Variants in MBNL2 observed in about 807,000 individuals in gnomAD.
The protein encoded by MBNL2 is muscleblind like splicing regulator 2, also known as muscleblind-like protein 2.
A neutral mutation model predicts 41.9 loss-of-function variants in MBNL2; 17 were observed. That is an observed-to-expected ratio of 0.41 (90% CI 0.28 to 0.61). The LOEUF is 0.61. Ranked by LOEUF, MBNL2 falls within the 20% of genes least tolerant of loss-of-function variation. The pLI, the probability that MBNL2 is intolerant of heterozygous loss-of-function variation, is 0.35. For missense variants in MBNL2, 336 were observed against 505.6 expected, an observed-to-expected ratio of 0.66 and a Z score of 3.22; for synonymous variants, 195 against 182.9, an observed-to-expected ratio of 1.07 and a Z score of -0.53.
intron 1 of MBNL2, among the ~76,000 whole-genome samples, chr13:97,240,990 ATGAC>A (rs1220003197): frequency 6.6e-6 from 1 of 152,186 alleles, no homozygotes; most frequent in African/African-American, 2.4e-5. Context: ...TTGGAAATGA[ATGAC>A]TGACTGACTG....
intron 1 of MBNL2, among the ~76,000 whole-genome samples, chr13:97,262,169 G>A (rs2048763775): frequency 6.6e-6 from 1 of 152,236 alleles, no homozygotes; most frequent in Admixed American, 6.5e-5. Context: ...AGAGCAGAGA[G>A]TGCAATCCCT....
At chr13:97,159,225 G>GT in the MBNL2 span, among the ~76,000 whole-genome samples, 4,794 of 151,350 alleles carry the variant, frequency 0.032, 120 homozygotes, top group Non-Finnish European at 0.05. Context: ...CAACCCCTGC[G>GT]TTTTTTTGTT....
chr13:97,307,555 C>T (rs1469632756), intron 2 of MBNL2, among the ~76,000 whole-genome samples: 3 of 151,836 alleles, frequency 2.0e-5, no homozygotes, highest in Non-Finnish European at 4.4e-5. Context: ...TCATGTGATT[C>T]CAGGTAAAAG....
chr13:97,389,478 G>A (rs2066217523), intron 8 of MBNL2, among the ~76,000 whole-genome samples: 1 of 152,144 alleles, frequency 6.6e-6, no homozygotes, highest in Non-Finnish European at 1.5e-5. Context: ...TGAGGTGGAA[G>A]GATTTCTTGA....
intron 2 of MBNL2, among the ~76,000 whole-genome samples, chr13:97,333,684 C>A (rs1310930177): frequency 6.6e-6 from 1 of 152,176 alleles, no homozygotes; most frequent in Admixed American, 6.5e-5. Context: ...TAATCTGGAA[C>A]ACACATTTAA....
the MBNL2 span, among the ~76,000 whole-genome samples, chr13:97,206,161 A>G: frequency 1.3e-5 from 2 of 152,196 alleles, no homozygotes; most frequent in Admixed American, 6.5e-5. Context: ...ATCAGAGAGA[A>G]AGCATTTGAC....
chr13:97,318,211 G>A (rs970666395), intron 2 of MBNL2, among the ~76,000 whole-genome samples: 2 of 152,216 alleles, frequency 1.3e-5, no homozygotes, highest in African/African-American at 2.4e-5. Context: ...TTCCTGTAAA[G>A]CACTTAGAGG....
chr13:97,360,855 T>C (rs2063338768), intron 7 of MBNL2, among the ~76,000 whole-genome samples: 2 of 152,238 alleles, frequency 1.3e-5, no homozygotes, highest in Admixed American at 6.5e-5. Context: ...TATTTCATTA[T>C]ACTGGAAGTA....
At chr13:97,285,402 T>C (rs918817926) in intron 2 of MBNL2, among the ~76,000 whole-genome samples, 4 of 152,226 alleles carry the variant, frequency 2.6e-5, no homozygotes, top group African/African-American at 9.6e-5. Context: ...CAGGAATTGC[T>C]GGAGACAGCA....
At chr13:97,350,823 C>T (rs769452144) in intron 5 of MBNL2, among the ~76,000 whole-genome samples, 18 of 152,152 alleles carry the variant, frequency 1.2e-4, no homozygotes, top group Non-Finnish European at 1.6e-4. Context: ...GTCTTGAACC[C>T]CTCAAAGTCA....
At chr13:97,250,151 G>A (rs1179894962) in intron 1 of MBNL2, among the ~76,000 whole-genome samples, 8 of 151,968 alleles carry the variant, frequency 5.3e-5, no homozygotes, top group African/African-American at 1.9e-4. Context: ...TAATTCTTAG[G>A]TTGAATCTTT....
chr13:97,279,254 T>TCA (rs2052844952), intron 2 of MBNL2, among the ~76,000 whole-genome samples: 1 of 152,216 alleles, frequency 6.6e-6, no homozygotes, highest in Admixed American at 6.5e-5. Context: ...AGGGCTTGAC[T>TCA]AAGCCTGGCT....
At chr13:97,264,362 C>G (rs936218062) in intron 1 of MBNL2, among the ~76,000 whole-genome samples, 19 of 152,100 alleles carry the variant, frequency 1.2e-4, no homozygotes, top group African/African-American at 4.3e-4. Flanking sequence ...GGAACTTCAT[C>G]AGAAATTATT....
chr13:97,144,268 G>A, the MBNL2 span, among the ~76,000 whole-genome samples: 1 of 152,126 alleles, frequency 6.6e-6, no homozygotes, highest in African/African-American at 2.4e-5. Context: ...TGCTAGGATC[G>A]CACCTCCATG....
intron 3 of MBNL2, among the ~76,000 whole-genome samples, chr13:97,342,104 A>C (rs2061489369): frequency 6.6e-6 from 1 of 152,258 alleles, no homozygotes; most frequent in Non-Finnish European, 1.5e-5. Flanking sequence ...AAAAATCTTT[A>C]GAATTTTAAA....
chr13:97,202,889 T>A, the MBNL2 span, among the ~76,000 whole-genome samples: 1 of 152,226 alleles, frequency 6.6e-6, no homozygotes, highest in South Asian at 2.1e-4. Context: ...GAACTGGGGC[T>A]GGACAATGTG....
intron 2 of MBNL2, among the ~76,000 whole-genome samples, chr13:97,323,791 T>C (rs753624730): frequency 1.3e-5 from 2 of 152,068 alleles, no homozygotes; most frequent in Admixed American, 6.6e-5. Context: ...AAAAAAAATT[T>C]TGTGGGTACA....
At chr13:97,349,111 C>G (rs1478864324) in intron 5 of MBNL2, among the ~76,000 whole-genome samples, 1 of 152,104 alleles carries the variant, frequency 6.6e-6, no homozygotes, top group Non-Finnish European at 1.5e-5. Context: ...TCCTCTCGTC[C>G]TTCTCATTCA....
At chr13:97,251,027 G>C (rs1566366711) in intron 1 of MBNL2, among the ~76,000 whole-genome samples, 3 of 151,952 alleles carry the variant, frequency 2.0e-5, no homozygotes, top group Admixed American at 6.6e-5. Context: ...CCAGGAAGAA[G>C]AACTCTTGTA....
Sources: gnomAD v4.1 joint callset for allele counts (sites outside exome capture counted in the v4.1 genomes callset) on GRCh38, gnomAD v4.1.1 for gene constraint, MANE v1.5 for transcripts, NCBI Gene and HGNC (gene_info 2026-07-23, HGNC 2026-07-21) for gene names.